DNAH1: variants seen among roughly 807,000 people sequenced by gnomAD.
DNAH1 encodes the protein dynein axonemal heavy chain 1, also known as axonemal beta dynein heavy chain 1.
A neutral mutation model predicts 484.3 loss-of-function variants in DNAH1; 327 were observed. That is an observed-to-expected ratio of 0.68 (90% CI 0.62 to 0.74). The LOEUF (loss-of-function observed/expected upper bound fraction) is 0.74, where lower values mean the gene tolerates loss of function less well. Among genes scored for constraint, DNAH1 ranks in the 30% least tolerant of loss-of-function variants. The pLI, the probability that DNAH1 is intolerant of heterozygous loss-of-function variation, is 0.00. For missense variants in DNAH1, 5,052 were observed against 5,546.8 expected (o/e 0.91, Z 2.83); for synonymous variants, 2,192 against 2,191.9 (o/e 1.00, Z 0.00).
intron 16 of DNAH1, among the ~76,000 whole-genome samples, chr3:52,351,453 CA>C (rs1004289551): frequency 3.9e-5 from 6 of 152,232 alleles, no homozygotes; most frequent in Non-Finnish European, 8.8e-5. Flanking sequence ...TCTGGGTGCT[CA>C]GGGGGAACTC....
At position 52,353,048 on chromosome 3, in the gene DNAH1, G is replaced by A. The variant is rs916795344; in HGVS notation, c.3028-55G>A. ...CTGGCCCAAGAAGGGGCAACATGGA[G>A]AGAGACTGGGAAGTGTCCCAAGACA... On this transcript the variant is annotated intron_variant, in intron 18 of 77. Transcript: ENST00000420323. The surrounding 1 kb of genome is among the most constrained non-coding windows in gnomAD (Gnocchi z 5.0). 3.9e-6 allele frequency: 6 copies of A among 1,534,230 alleles called. No individual in the cohort carries two copies. Among genetic ancestry groups the A allele is most frequent in the Non-Finnish European group, 5.3e-6 (6 of 1,129,946 alleles).
rs202178561 is a variant in DNAH1 at position 52,392,584 on chromosome 3, G to A, written c.10173G>A (p.Glu3391=). ...TGCGCCAGGAGCTGAAGGACATTGAGGACCAGATCCTGTACCGGCTCAGCT... is the reference window on the plus strand; with the variant it reads ...TGCGCCAGGAGCTGAAGGACATTGAAGACCAGATCCTGTACCGGCTCAGCT... ...AKMRQELKDI[E]DQILYRLSSS... The change falls in exon 64 of 78, where the codon GAG becomes GAA. Residue 3391 remains glutamate, a synonymous_variant. Coordinates refer to ENST00000420323, the MANE Select transcript of DNAH1 (RefSeq NM_015512.5). 2.4e-4 allele frequency: 391 copies of A among 1,613,838 alleles called. 2 individuals are homozygous for A. The highest frequency in any genetic ancestry group is 1.0e-4 in the Admixed American group (6 of 60,002).
chr3:52,386,315 G>A lies in DNAH1; in HGVS notation c.8781G>A (p.Leu2927=), dbSNP rs769017052. 7.5e-6 allele frequency: 12 copies of A among 1,593,800 alleles called. No homozygotes were observed. The South Asian group carries it at 1.2e-4, about 17-fold the overall frequency. ...LPALDAALAS[L]RNLNKNDVTE... Reference sequence around the variant, plus strand: ...CCCTGGATGCGGCTCTGGCCAGCCTGCGCAACCTCAACAAGAACGATGTGA... The same window carrying A: ...CCCTGGATGCGGCTCTGGCCAGCCTACGCAACCTCAACAAGAACGATGTGA... Residue 2927 remains leucine (L), a synonymous_variant, in exon 55 of 78, where the codon CTG becomes CTA. Coordinates refer to ENST00000420323, the MANE Select transcript of DNAH1 (RefSeq NM_015512.5).
chr3:52,324,571 C>T (rs1701266685), intron 3 of DNAH1, among the ~76,000 whole-genome samples: 1 of 152,138 alleles, frequency 6.6e-6, no homozygotes, highest in South Asian at 2.1e-4. Context: ...CGCCCCTCCT[C>T]CCCACCCCCA....
Position 52,392,627 on chromosome 3 carries a change from G to A in DNAH1, c.10216G>A (p.Val3406Ile), listed in dbSNP as rs201752275. 4,375 of 1,613,144 alleles carry A rather than the reference G, an allele frequency of 2.7e-3. 14 individuals carry two copies. The highest frequency in any genetic ancestry group is 8.3e-3 in the Middle Eastern group (50 of 6,060). Residue 3406 changes from valine (V) to isoleucine (I), a missense_variant, in exon 64 of 78, where the codon GTA becomes ATA. Coordinates refer to ENST00000420323, the MANE Select transcript of DNAH1 (RefSeq NM_015512.5). ...YRLSSSEGNP[V>I]DDMELIKVLE... ...GCTCAGCTCCTCCGAGGGCAACCCT[G>A]TAGATGACATGGAACTCATCAAGGT... is the stretch of plus-strand genomic sequence containing the variant.
the DNAH1 span, among the ~76,000 whole-genome samples, chr3:52,311,091 C>G: frequency 6.6e-6 from 1 of 152,216 alleles, no homozygotes; most frequent in Non-Finnish European, 1.5e-5. Context: ...CAAAGGCACA[C>G]AGCTGGTGGG....
rs1265023949 is a variant in DNAH1, at chr3:52,350,567, C to T, written c.2706C>T (p.Leu902=). Residue 902 remains leucine, a synonymous_variant, in exon 16 of 78, where the codon CTC becomes CTT. Coordinates refer to ENST00000420323, the MANE Select transcript of DNAH1 (RefSeq NM_015512.5). The part of the protein sequence containing the change: ...YQVMDEFLYN[L]SSDDFNDKWI... ...TCATGGATGAATTCCTCTACAACCTCAGCTCAGATGACTTCAATGACAAGT... is the reference window on the plus strand; with the variant it reads ...TCATGGATGAATTCCTCTACAACCTTAGCTCAGATGACTTCAATGACAAGT... 1.2e-6 allele frequency: 2 copies of T among 1,613,862 alleles called. No homozygotes were observed. The highest frequency in any genetic ancestry group is 1.7e-5 in the Admixed American group (1 of 60,010).
intron 1 of DNAH1, chr3:52,317,767 G>A (rs1701000250): frequency 6.6e-6 from 1 of 152,280 alleles, no homozygotes; most frequent in Non-Finnish European, 1.5e-5. Context: ...TGGTGGGTAG[G>A]TAAGGGTTCA....
intron 8 of DNAH1, among the ~76,000 whole-genome samples, chr3:52,341,530 CTTTTTTTTTTTTT>C (rs55645528): frequency 9.9e-6 from 1 of 101,174 alleles, no homozygotes; most frequent in African/African-American, 4.2e-5. Flanking sequence ...TTGACTTTGA[CTTTTTTTTTTTTT>C]TTTTTTTTTT....
At chr3:52,338,694 C>A (rs969246672) in intron 8 of DNAH1, among the ~76,000 whole-genome samples, 9 of 152,030 alleles carry the variant, frequency 5.9e-5, no homozygotes, top group Non-Finnish European at 1.0e-4. Flanking sequence ...TTTAAAAATT[C>A]TCCACTTTGG....
intron 5 of DNAH1, 137 bp downstream of exon 5, chr3:52,327,028 A>C: frequency 2.5e-6 from 3 of 1,195,880 alleles, no homozygotes; most frequent in Admixed American, 3.0e-5. Context: ...CAGGTCAACA[A>C]TAGGAACCCA....
chr3:52,317,797 C>A (rs1204674831), intron 1 of DNAH1: 1 of 152,242 alleles, frequency 6.6e-6, no homozygotes, highest in African/African-American at 2.4e-5. Context: ...GGTTCGCGGA[C>A]GGAAGCTCCC....
In DNAH1 at chr3:52,345,482, C is replaced by A; in HGVS notation, c.1445-13C>A. The A allele has an allele frequency of 6.4e-7, 1 of 1,554,984 alleles. No individual in the cohort carries two copies. Among genetic ancestry groups the A allele is most frequent in the South Asian group, 1.2e-5 (1 of 84,312 alleles). ...CAGGGTCTGATACTGGCCCTTGGCC[C>A]CTATCCCTGCAGGGCTGGTGAGTGT... On this transcript the variant is annotated splice_polypyrimidine_tract_variant and intron_variant, in intron 9 of 77. Coordinates refer to ENST00000420323, the MANE Select transcript of DNAH1 (RefSeq NM_015512.5).
chr3:52,363,258 T>G, intron 32 of DNAH1, 114 bp downstream of exon 32: 1 of 1,370,028 alleles, frequency 7.3e-7, no homozygotes, highest in East Asian at 2.4e-5. Flanking sequence ...GGCATTACCT[T>G]GTCGGCTTCT....
chr3:52,361,377 CAGG>C lies in DNAH1; in HGVS notation c.4874+27_4874+29del. The C allele has an allele frequency of 6.5e-7, 1 of 1,542,444 alleles. No individual in the cohort carries two copies. The highest frequency in any genetic ancestry group is 8.8e-7 in the Non-Finnish European group (1 of 1,141,072). The stretch of plus-strand genomic sequence containing the variant: ...GGTGAGGCTGGGCATGAGCGTGGCA[CAGG>C]ATGGGGTGGGACAGCCTAGCTCTCC... On this transcript the variant is annotated intron_variant, in intron 29 of 77. Coordinates refer to ENST00000420323, the MANE Select transcript of DNAH1 (RefSeq NM_015512.5). This position sits in a 1 kb window ranked among gnomAD's most constrained non-coding sequence, Gnocchi z 5.6.
rs756783586 is a variant in DNAH1, at chr3:52,372,980, C to T, written c.6912C>T (p.Tyr2304=). The change falls in exon 44 of 78, where the codon TAC becomes TAT. Residue 2304 remains tyrosine (Y), a synonymous_variant. Transcript: ENST00000420323. ...DDLNMPALET[Y]GAQPPIELLR... ...TGAACATGCCGGCCCTGGAGACCTA[C>T]GGTGCACAGCCACCCATCGAGCTGT... is the stretch of plus-strand genomic sequence containing the variant. 51 of 1,613,682 alleles carry T rather than the reference C, an allele frequency of 3.2e-5. No homozygotes were observed. The highest frequency in any genetic ancestry group is 5.3e-5 in the African/African-American group (4 of 74,942).
rs1391281330 is a variant in DNAH1 at position 52,349,413 on chromosome 3, T to G, written c.2519T>G (p.Val840Gly). Reference sequence around the variant, plus strand: ...CTTGCCAAGAACCTGCATAAGGAGGTGGATAGCGTAAGTGCCCACCTGCCC... The same window carrying G: ...CTTGCCAAGAACCTGCATAAGGAGGGGGATAGCGTAAGTGCCCACCTGCCC... ...DILAKNLHKE[V>G]DSICEEFRSI... Residue 840 changes from valine to glycine, a missense_variant, in exon 14 of 78, where the codon GTG becomes GGG. Around this residue, in one of 4 missense-constraint regions of DNAH1, gnomAD observed 1,263 missense variants for 1,218.8 expected, o/e 1.04. Transcript: ENST00000420323. The G allele has an allele frequency of 6.2e-7, 1 of 1,613,414 alleles. No individual in the cohort carries two copies.
chr3:52,363,246 C>T (rs1451822329), intron 32 of DNAH1, 102 bp downstream of exon 32: 1 of 1,455,600 alleles, frequency 6.9e-7, no homozygotes, highest in Non-Finnish European at 9.3e-7. Context: ...CGGTGCTTTA[C>T]AGGCATTACC....
In DNAH1 at chr3:52,351,950, C is replaced by G. The variant is rs757059388; in HGVS notation, c.2730-12C>G. ...CGATATTTCTCCCAATCCCCACCCC[C>G]ATCCCGGCCAGATGGATTGCCAGCA... On this transcript the variant is annotated splice_polypyrimidine_tract_variant and intron_variant, in intron 16 of 77. Coordinates refer to ENST00000420323, the MANE Select transcript of DNAH1 (RefSeq NM_015512.5). The G allele has an allele frequency of 1.9e-6, 3 of 1,597,594 alleles. No individual in the cohort carries two copies. Among genetic ancestry groups the G allele is most frequent in the South Asian group, 1.1e-5 (1 of 87,652 alleles).
Sources: allele counts gnomAD v4.1 joint callset (sites outside exome capture counted in the v4.1 genomes callset), GRCh38; gene constraint gnomAD v4.1.1; regional missense constraint gnomAD v4.1.1; non-coding constraint Gnocchi (gnomAD v3.1); transcripts MANE v1.5; gene names NCBI Gene and HGNC (gene_info 2026-07-23, HGNC 2026-07-21).